Variants in SAMD5 observed in about 807,000 individuals in gnomAD.
The protein encoded by SAMD5 is sterile alpha motif domain containing 5.
In SAMD5, 13 loss-of-function variants were observed where a neutral mutation model predicts 11.3. That is an observed-to-expected ratio of 1.15 (90% CI 0.75 to 1.83). The LOEUF is 1.83. Ranked by LOEUF, SAMD5 falls within the 40% of genes most tolerant of loss-of-function variation. The pLI is 0.00. For synonymous variants in SAMD5, 129 were observed against 111.3 expected (o/e 1.16, Z -1.00); for missense variants, 255 against 239.1 (o/e 1.07, Z -0.44).
chr6:147,813,912 G>A, the SAMD5 span, among the ~76,000 whole-genome samples: 5 of 152,156 alleles, frequency 3.3e-5, no homozygotes, highest in South Asian at 2.1e-4. Flanking sequence ...TTTGTAAGAC[G>A]ATTTTGTTAA....
chr6:147,855,382 C>T, the SAMD5 span, among the ~76,000 whole-genome samples: 3,072 of 152,110 alleles, frequency 0.02, 60 homozygotes, highest in Non-Finnish European at 0.032. Context: ...TATCTGAAAG[C>T]GAGGGAGGCT....
the SAMD5 span, among the ~76,000 whole-genome samples, chr6:147,856,349 C>A: frequency 0.12 from 18,162 of 151,996 alleles, 1,320 homozygotes; most frequent in East Asian, 0.34. Context: ...TGGGGTGACG[C>A]ATATGTTCAT....
chr6:147,909,592 CT>C, the SAMD5 span, among the ~76,000 whole-genome samples: 9 of 69,428 alleles, frequency 1.3e-4, no homozygotes, highest in East Asian at 1.2e-3. Context: ...TTCTTTCTTT[CT>C]TTCTTTCTTT....
At chr6:147,870,804 A>C in the SAMD5 span, among the ~76,000 whole-genome samples, 1 of 63,608 alleles carries the variant, frequency 1.6e-5, no homozygotes, top group African/African-American at 6.3e-5. Flanking sequence ...GGAAGAGGGA[A>C]GGGGAGGGAG....
At chr6:147,752,263 C>G in the SAMD5 span, among the ~76,000 whole-genome samples, 1 of 152,098 alleles carries the variant, frequency 6.6e-6, no homozygotes, top group Non-Finnish European at 1.5e-5. Flanking sequence ...TTGTCTTTAT[C>G]AAAAACAACA....
the SAMD5 span, among the ~76,000 whole-genome samples, chr6:147,831,362 G>GA: frequency 2.0e-5 from 3 of 152,184 alleles, no homozygotes; most frequent in Non-Finnish European, 4.4e-5. Flanking sequence ...GTGAGGAACA[G>GA]AAAAAACACT....
intron 1 of SAMD5, among the ~76,000 whole-genome samples, chr6:147,616,205 C>CATATATATTTCATATATATTTATTA (rs1789868479): frequency 1.5e-5 from 2 of 129,656 alleles, no homozygotes; most frequent in East Asian, 2.0e-4. Context: ...TATATTTATT[C>CATATATATTTCATATATATTTATTA]ATATATACTT....
At chr6:147,680,238 G>A (rs922172898) in intron 1 of SAMD5, among the ~76,000 whole-genome samples, 1 of 151,732 alleles carries the variant, frequency 6.6e-6, no homozygotes, top group African/African-American at 2.4e-5. Context: ...ATATAAATGT[G>A]CAGGTCTTGC....
the SAMD5 span, among the ~76,000 whole-genome samples, chr6:147,941,613 G>A: frequency 2.0e-5 from 3 of 152,140 alleles, no homozygotes; most frequent in Admixed American, 2.0e-4. Context: ...AACAAAAAAT[G>A]TGAATACCAC....
At chr6:147,827,650 C>G in the SAMD5 span, among the ~76,000 whole-genome samples, 9 of 152,202 alleles carry the variant, frequency 5.9e-5, no homozygotes, top group Non-Finnish European at 1.2e-4. Flanking sequence ...GTCTCTGGAA[C>G]AGCTACTTCT....
Position 147,551,095 on chromosome 6 carries a change from T to A in SAMD5, c.460-13299T>A, listed in dbSNP as rs543142533. ...GTCATTCTGTAATACCTTGCTGCCC[T>A]TCCACTCGAAGTTCTCAGACCACTG... is the stretch of plus-strand genomic sequence containing the variant. On this transcript the variant is annotated intron_variant, in intron 1 of 1. Coordinates refer to ENST00000367474, the MANE Select transcript of SAMD5 (RefSeq NM_001030060.3). Among the ~76,000 whole-genome samples, 11 of 152,322 alleles carry A rather than the reference T, an allele frequency of 7.2e-5. No homozygotes were observed. In the South Asian group the frequency reaches 2.3e-3, roughly 32 times the overall value.
intron 1 of SAMD5, among the ~76,000 whole-genome samples, chr6:147,697,032 C>T (rs1791185427): frequency 6.6e-6 from 1 of 152,172 alleles, no homozygotes; most frequent in Non-Finnish European, 1.5e-5. Context: ...AGGCCCACTT[C>T]CTCGTGTGCA....
At chr6:147,908,092 T>C in the SAMD5 span, among the ~76,000 whole-genome samples, 2 of 152,186 alleles carry the variant, frequency 1.3e-5, no homozygotes, top group African/African-American at 4.8e-5. Flanking sequence ...CCTCTATAAA[T>C]ATGTAAATTA....
chr6:147,902,132 T>C, the SAMD5 span, among the ~76,000 whole-genome samples: 13 of 148,302 alleles, frequency 8.8e-5, no homozygotes, highest in Admixed American at 3.4e-4. Flanking sequence ...AGTATGGCAA[T>C]CAAGGGGGAA....
the SAMD5 span, among the ~76,000 whole-genome samples, chr6:147,903,240 A>T: frequency 6.6e-5 from 10 of 152,214 alleles, no homozygotes; most frequent in Non-Finnish European, 1.3e-4. Flanking sequence ...AATGCGTTAC[A>T]AGTTAGGTCA....
chr6:147,662,863 T>G (rs1790666636), intron 1 of SAMD5, among the ~76,000 whole-genome samples: 1 of 152,182 alleles, frequency 6.6e-6, no homozygotes, highest in African/African-American at 2.4e-5. Context: ...CTTTGACACC[T>G]GCCACTTCAA....
the SAMD5 span, among the ~76,000 whole-genome samples, chr6:147,890,361 C>CTTT: frequency 7.1e-6 from 1 of 140,744 alleles, no homozygotes. Context: ...TTTCAATTAT[C>CTTT]TTTTTTTTTT....
the SAMD5 span, among the ~76,000 whole-genome samples, chr6:147,789,994 G>A: frequency 2.0e-5 from 3 of 152,342 alleles, no homozygotes; most frequent in East Asian, 3.9e-4. Context: ...TGGTGGGAGT[G>A]CAAAATGATG....
intron 1 of SAMD5, among the ~76,000 whole-genome samples, chr6:147,641,567 A>ATTT (rs35496907): frequency 7.2e-5 from 10 of 139,844 alleles, no homozygotes; most frequent in Non-Finnish European, 1.1e-4. Context: ...TCTGTCTTTA[A>ATTT]TTTTTTTTTT....
Sources: gnomAD v4.1 joint callset for allele counts (sites outside exome capture counted in the v4.1 genomes callset) on GRCh38, gnomAD v4.1.1 for gene constraint, MANE v1.5 for transcripts, NCBI Gene and HGNC (gene_info 2026-07-23, HGNC 2026-07-21) for gene names.